Variants in PAX2 observed in about 807,000 individuals in gnomAD.
PAX2 encodes paired box protein Pax-2.
Under a neutral mutation model 41.7 loss-of-function variants are expected in PAX2, and 9 were observed. The ratio of observed to expected loss-of-function variants is 0.22; its 90% CI spans 0.13 to 0.38. PAX2 has a LOEUF of 0.38. Ranked by LOEUF, PAX2 falls within the 10% of genes least tolerant of loss-of-function variation. The probability of loss-of-function intolerance (pLI) is 1.00; values close to 1 mark genes in which losing one functional copy is unlikely to be tolerated. For synonymous variants in PAX2, 221 were observed against 212.7 expected (o/e 1.04, Z -0.34); for missense variants, 418 against 531.6 (o/e 0.79, Z 2.10).
chr10:100,768,153 C>T (rs1189162579), intron 3 of PAX2, among the ~76,000 whole-genome samples: 3 of 150,498 alleles, frequency 2.0e-5, no homozygotes, highest in Non-Finnish European at 4.4e-5. Context: ...TGTAGAGTCT[C>T]GCTGTAGTTT....
chr10:100,767,896 AG>A (rs1205365613), intron 3 of PAX2, among the ~76,000 whole-genome samples: 1 of 152,184 alleles, frequency 6.6e-6, no homozygotes, highest in Non-Finnish European at 1.5e-5. Context: ...CCCAGGATAA[AG>A]AATGGAAGGA....
At chr10:100,747,538 TA>T (rs1958331203) in intron 1 of PAX2, 1 of 792,196 alleles carries the variant, frequency 1.3e-6, no homozygotes, top group Middle Eastern at 6.5e-4. Context: ...TGCAGATTAA[TA>T]ATTAAGGATA....
intron 5 of PAX2, among the ~76,000 whole-genome samples, chr10:100,796,683 T>G (rs1476767485): frequency 6.6e-6 from 1 of 152,156 alleles, no homozygotes; most frequent in Non-Finnish European, 1.5e-5. Flanking sequence ...CATGGAGCAT[T>G]TTGCTTTCTT....
Position 100,748,881 on chromosome 10 carries a change from C to T in PAX2, c.44-865C>T, listed in dbSNP as rs1371592343. The T allele has an allele frequency of 1.0e-6, 1 of 985,434 alleles. No homozygotes were observed. Among genetic ancestry groups the T allele is most frequent in the Non-Finnish European group, 1.2e-6 (1 of 829,938 alleles). The allele number at this position is 985,434 out of a possible 1,614,324, so 61.0% of individuals were successfully genotyped here. ...GAGAGTTATTAACTCGCCAGCGAGG[C>T]CTATGCCGTGCCACCTGGGCGAGAC... is the stretch of plus-strand genomic sequence containing the variant. On this transcript the variant is annotated intron_variant, in intron 1 of 9. Transcript: ENST00000355243. This position sits in a 1 kb window ranked among gnomAD's most constrained non-coding sequence, Gnocchi z 5.0.
intron 3 of PAX2, among the ~76,000 whole-genome samples, chr10:100,764,692 G>A (rs529262522): frequency 6.6e-5 from 10 of 151,622 alleles, no homozygotes; most frequent in Non-Finnish European, 1.5e-4. Context: ...GTGTGTGTGT[G>A]TGTGTGTACT....
At position 100,829,922 on chromosome 10, in the gene PAX2, G is replaced by T. The variant is rs571638016; in HGVS notation, c.*2303G>T. The T allele has an allele frequency of 4.4e-4, 77 of 173,946 alleles. No individual in the cohort carries two copies. The highest frequency in any genetic ancestry group is 4.6e-3 in the Middle Eastern group (2 of 438). The allele number at this position is 173,946 out of a possible 1,614,324, so 10.8% of individuals were successfully genotyped here. ...GAAATAAATAATAATAATAAATAAAGAATAAAATTTTGTATGTCACTCCCC... is the reference window on the plus strand; with the variant it reads ...GAAATAAATAATAATAATAAATAAATAATAAAATTTTGTATGTCACTCCCC... On this transcript the variant is annotated 3_prime_UTR_variant, in exon 10 of 10. Coordinates refer to ENST00000355243, the MANE Select transcript of PAX2 (RefSeq NM_000278.5).
intron 3 of PAX2, among the ~76,000 whole-genome samples, chr10:100,755,624 G>A (rs1033093824): frequency 5.9e-5 from 9 of 152,204 alleles, no homozygotes; most frequent in East Asian, 1.9e-4. Flanking sequence ...AGGAGGCTGC[G>A]TGGAGGGTGG....
chr10:100,816,869 A>G (rs1848203404), intron 7 of PAX2, among the ~76,000 whole-genome samples: 1 of 152,204 alleles, frequency 6.6e-6, no homozygotes, highest in African/African-American at 2.4e-5. Flanking sequence ...CTCGGAGAAC[A>G]GCCTAATGCT....
intron 1 of PAX2, among the ~76,000 whole-genome samples, chr10:100,739,771 C>T (rs536518966): frequency 1.4e-4 from 21 of 152,362 alleles, no homozygotes; most frequent in Middle Eastern, 6.8e-3. Flanking sequence ...CTGGGTCAGC[C>T]TGCACCGTCT....
chr10:100,780,038 T>C (rs1846550122), intron 4 of PAX2, among the ~76,000 whole-genome samples: 1 of 152,016 alleles, frequency 6.6e-6, no homozygotes, highest in Admixed American at 6.6e-5. Flanking sequence ...GTCCTCTGTC[T>C]TCTCCCCTTG....
At chr10:100,738,607 C>T (rs1246750549) in intron 1 of PAX2, among the ~76,000 whole-genome samples, 1 of 152,216 alleles carries the variant, frequency 6.6e-6, no homozygotes, top group Non-Finnish European at 1.5e-5. Flanking sequence ...GGGGCTTCCT[C>T]CCTCCATCAG....
chr10:100,798,937 T>A (rs555714842), intron 5 of PAX2, among the ~76,000 whole-genome samples: 1 of 152,356 alleles, frequency 6.6e-6, no homozygotes, highest in South Asian at 2.1e-4. Flanking sequence ...GCGGGGATAT[T>A]GATCGCGTTC....
intron 3 of PAX2, 111 bp from the exon 4 acceptor site, chr10:100,779,387 T>G: frequency 1.3e-5 from 12 of 906,664 alleles, no homozygotes; most frequent in South Asian, 4.2e-5. Flanking sequence ...AGCAGATGGA[T>G]GAGGAAATCG....
At chr10:100,796,068 A>G (rs1300794959) in intron 5 of PAX2, among the ~76,000 whole-genome samples, 1 of 152,044 alleles carries the variant, frequency 6.6e-6, no homozygotes, top group Non-Finnish European at 1.5e-5. Flanking sequence ...ATCCTTGGTT[A>G]TGGTCCCCGC....
At chr10:100,787,293 G>T (rs939480557) in intron 5 of PAX2, among the ~76,000 whole-genome samples, 2 of 152,120 alleles carry the variant, frequency 1.3e-5, no homozygotes, top group Non-Finnish European at 1.5e-5. Context: ...GAAAAACAAA[G>T]AGCAGATCGG....
chr10:100,738,340 C>T (rs944548513), intron 1 of PAX2, among the ~76,000 whole-genome samples: 1 of 152,192 alleles, frequency 6.6e-6, no homozygotes, highest in African/African-American at 2.4e-5. Context: ...GAAGAGGCTG[C>T]GGAGGCCTTG....
intron 5 of PAX2, among the ~76,000 whole-genome samples, chr10:100,792,682 G>C (rs575313146): frequency 6.6e-6 from 1 of 152,242 alleles, no homozygotes; most frequent in South Asian, 2.1e-4. Context: ...GCAGAAACTG[G>C]CCAAGGATGG....
intron 5 of PAX2, among the ~76,000 whole-genome samples, chr10:100,786,155 T>C (rs1000216645): frequency 3.3e-5 from 5 of 152,238 alleles, no homozygotes; most frequent in Admixed American, 6.5e-5. Context: ...TCCTTGTAAC[T>C]AGGGCAGCCT....
Position 100,768,800 on chromosome 10 carries a change from CCAAA to C in PAX2, c.411-10690_411-10687del, listed in dbSNP as rs762710754. 5.9e-5 allele frequency among the ~76,000 whole-genome samples: 9 copies of C among 152,314 alleles called. No homozygotes were observed. In the East Asian group the frequency reaches 1.3e-3, roughly 23 times the overall value. On this transcript the variant is annotated intron_variant, in intron 3 of 9. Coordinates refer to ENST00000355243, the MANE Select transcript of PAX2 (RefSeq NM_000278.5). Reference sequence around the variant, plus strand: ...GTCAATTGAAAAAAATAAACACCAACCAAACAAACAATTTCTGGCTCCAATGCTA... The same window carrying C: ...GTCAATTGAAAAAAATAAACACCAACCAAACAATTTCTGGCTCCAATGCTA...
Sources: gnomAD v4.1 joint callset for allele counts (sites outside exome capture counted in the v4.1 genomes callset) on GRCh38, gnomAD v4.1.1 for gene constraint, Gnocchi (gnomAD v3.1) non-coding constraint, MANE v1.5 for transcripts, NCBI Gene and HGNC (gene_info 2026-07-23, HGNC 2026-07-21) for gene names.